SEPTIN9: variants seen among roughly 807,000 people sequenced by gnomAD.
SEPTIN9 encodes septin-9.
SEPTIN9 carries 13 observed loss-of-function variants against 56.6 expected under a neutral mutation model. That is an observed-to-expected ratio of 0.23 (90% CI 0.15 to 0.37). SEPTIN9 has a LOEUF of 0.37. SEPTIN9 is among the 10% of genes least tolerant of loss of function. The pLI is 1.00. For synonymous variants in SEPTIN9, 332 were observed against 334.1 expected (o/e 0.99, Z 0.07); for missense variants, 650 against 823.1 (o/e 0.79, Z 2.57).
chr17:77,440,785 G>A (rs1267731364), intron 3 of SEPTIN9, among the ~76,000 whole-genome samples: 1 of 152,240 alleles, frequency 6.6e-6, no homozygotes, highest in Admixed American at 6.5e-5. Context: ...AGATGAGAGA[G>A]CATTGCCTCC....
chr17:77,420,887 C>T (rs1291331801), intron 3 of SEPTIN9, among the ~76,000 whole-genome samples: 1 of 152,212 alleles, frequency 6.6e-6, no homozygotes, highest in African/African-American at 2.4e-5. Context: ...TTTCACTTAC[C>T]CCTTGCCCTG....
chr17:77,366,532 C>T (rs977954077), intron 2 of SEPTIN9, among the ~76,000 whole-genome samples: 1 of 152,160 alleles, frequency 6.6e-6, no homozygotes, highest in Admixed American at 6.5e-5. Context: ...GAGGCACAGC[C>T]AGGGTTCTGC....
chr17:77,377,765 C>T (rs1215703997), intron 2 of SEPTIN9, among the ~76,000 whole-genome samples: 10 of 152,188 alleles, frequency 6.6e-5, no homozygotes, highest in East Asian at 5.8e-4. Context: ...AAAAAGGCCC[C>T]GTTGCTTGGT....
At chr17:77,325,325 G>A (rs1430250475) in intron 2 of SEPTIN9, among the ~76,000 whole-genome samples, 2 of 152,216 alleles carry the variant, frequency 1.3e-5, no homozygotes, top group African/African-American at 4.8e-5. Context: ...TGCATGTGGT[G>A]TAAGGGCTGG....
intron 2 of SEPTIN9, among the ~76,000 whole-genome samples, chr17:77,394,803 C>T (rs917675427): frequency 6.6e-6 from 1 of 152,174 alleles, no homozygotes; most frequent in Admixed American, 6.5e-5. Flanking sequence ...GTCCCTTGTG[C>T]GGCACATTCC....
intron 1 of SEPTIN9, among the ~76,000 whole-genome samples, chr17:77,285,337 G>A (rs1039318667): frequency 5.3e-5 from 8 of 152,208 alleles, no homozygotes; most frequent in Non-Finnish European, 1.2e-4. Context: ...AGCCACAGAA[G>A]CGGGACTGAG....
chr17:77,484,904 ATGGTGATGATGG>A (rs1568112038), intron 4 of SEPTIN9, among the ~76,000 whole-genome samples: 1 of 54,190 alleles, frequency 1.8e-5, no homozygotes, highest in South Asian at 7.3e-4. Context: ...GGTGGTGGTG[ATGGTGATGATGG>A]TGGTGATTGT....
chr17:77,425,952 G>T lies in SEPTIN9; in HGVS notation c.721+23249G>T, dbSNP rs973273024. On this transcript the variant is annotated intron_variant, in intron 3 of 11. Transcript: ENST00000427177. This position sits in a 1 kb window ranked among gnomAD's most constrained non-coding sequence, Gnocchi z 4.2. Reference sequence around the variant, plus strand: ...CGCAGGGCCCTGTGCAGAGGGGAGTGTGTGCGGCTGTGAGTTCAGGCCATG... The same window carrying T: ...CGCAGGGCCCTGTGCAGAGGGGAGTTTGTGCGGCTGTGAGTTCAGGCCATG... Among the ~76,000 whole-genome samples, 13 of 152,302 alleles carry T rather than the reference G, an allele frequency of 8.5e-5. No homozygotes were observed. The highest frequency in any genetic ancestry group is 4.6e-4 in the Admixed American group (7 of 15,300).
chr17:77,444,968 G>C (rs955524906), intron 3 of SEPTIN9: 2 of 367,890 alleles, frequency 5.4e-6, no homozygotes, highest in African/African-American at 4.3e-5. Flanking sequence ...CATCCTGAAC[G>C]TTCTCCCAGG....
rs1021960478 is a variant in SEPTIN9, at chr17:77,369,976, T to C, written c.77-32083T>C. On this transcript the variant is annotated intron_variant, in intron 2 of 11. Transcript: ENST00000427177. The surrounding 1 kb of genome is among the most constrained non-coding windows in gnomAD (Gnocchi z 4.9). ...CATTTCCAGAAAGGCGTGCAGGGGT[T>C]TCCTATGGCTCTCTTCCCTGTCCCC... 9.9e-5 allele frequency among the ~76,000 whole-genome samples: 15 copies of C among 152,204 alleles called. No homozygotes were observed. The highest frequency in any genetic ancestry group is 3.6e-4 in the African/African-American group (15 of 41,448).
At position 77,435,350 on chromosome 17, in the gene SEPTIN9, A is replaced by G. The variant is rs969080776; in HGVS notation, c.721+32647A>G. On this transcript the variant is annotated intron_variant, in intron 3 of 11. Transcript: ENST00000427177. This position sits in a 1 kb window ranked among gnomAD's most constrained non-coding sequence, Gnocchi z 4.5. ...CGGCAGGTTAGTGGCAGAGCTGAGC[A>G]GTGTCTCCCATGCCCTGATTCTGTG... Among the ~76,000 whole-genome samples the G allele has an allele frequency of 3.8e-4, 58 of 152,282 alleles. No homozygotes were observed. Among genetic ancestry groups the G allele is most frequent in the African/African-American group, 1.3e-3 (56 of 41,578 alleles).
chr17:77,445,101 G>A lies in SEPTIN9; in HGVS notation c.722-37043G>A, dbSNP rs778149373. On this transcript the variant is annotated intron_variant, in intron 3 of 11. Coordinates refer to ENST00000427177, the MANE Select transcript of SEPTIN9 (RefSeq NM_001113491.2). This position sits in a 1 kb window ranked among gnomAD's most constrained non-coding sequence, Gnocchi z 4.7. Reference sequence around the variant, plus strand: ...TGTCCCACCATGCCTGCCTGGGGACGGCCTTCACTCGGGCTACTCAGGGTT... The same window carrying A: ...TGTCCCACCATGCCTGCCTGGGGACAGCCTTCACTCGGGCTACTCAGGGTT... 52 of 452,176 alleles carry A rather than the reference G, an allele frequency of 1.1e-4. No homozygotes were observed. Among genetic ancestry groups the A allele is most frequent in the South Asian group, 5.5e-4 (35 of 63,302 alleles). The allele number at this position is 452,176 out of a possible 1,614,324, so 28.0% of individuals were successfully genotyped here.
Position 77,453,436 on chromosome 17 carries a change from T to C in SEPTIN9, c.722-28708T>C, listed in dbSNP as rs924440998. 6.6e-5 allele frequency among the ~76,000 whole-genome samples: 10 copies of C among 151,898 alleles called. No homozygotes were observed. Among genetic ancestry groups the C allele is most frequent in the African/African-American group, 2.4e-4 (10 of 41,322 alleles). The stretch of plus-strand genomic sequence containing the variant: ...GCCTGGCCAACATGGTGAAACCCTG[T>C]CTCTACTAAAAATACTGGCTAATCC... On this transcript the variant is annotated intron_variant, in intron 3 of 11. Transcript: ENST00000427177. The surrounding 1 kb of genome is among the most constrained non-coding windows in gnomAD (Gnocchi z 4.4).
chr17:77,471,767 C>T (rs1200078615), intron 3 of SEPTIN9, among the ~76,000 whole-genome samples: 2 of 152,236 alleles, frequency 1.3e-5, no homozygotes, highest in Non-Finnish European at 2.9e-5. Context: ...CTCTGGTTGA[C>T]AGGCCACTGT....
chr17:77,446,236 C>T (rs1355416306), intron 3 of SEPTIN9: 1 of 167,184 alleles, frequency 6.0e-6, no homozygotes, highest in African/African-American at 2.4e-5. Context: ...GAATCCATTC[C>T]TGCCTCTTCC....
At chr17:77,347,474 T>A (rs1407922000) in intron 2 of SEPTIN9, among the ~76,000 whole-genome samples, 15 of 152,104 alleles carry the variant, frequency 9.9e-5, no homozygotes, top group Admixed American at 9.8e-4. Context: ...TTGAAGCTCC[T>A]TTGGTTAGGT....
intron 3 of SEPTIN9, among the ~76,000 whole-genome samples, chr17:77,444,047 G>C (rs185080522): frequency 1.2e-3 from 186 of 152,232 alleles, no homozygotes; most frequent in African/African-American, 3.8e-3. Context: ...ATATGATGGA[G>C]GATGTCAGGA....
intron 3 of SEPTIN9, among the ~76,000 whole-genome samples, chr17:77,457,552 G>C (rs1183909601): frequency 6.6e-6 from 1 of 152,200 alleles, no homozygotes; most frequent in African/African-American, 2.4e-5. Flanking sequence ...AGGAGATTGG[G>C]GTCCCAGTCC....
chr17:77,428,163 G>A (rs1041231780), intron 3 of SEPTIN9, among the ~76,000 whole-genome samples: 2 of 152,188 alleles, frequency 1.3e-5, no homozygotes, highest in Non-Finnish European at 2.9e-5. Context: ...GGATTTAGCC[G>A]GATCTCTGAC....
Sources: allele counts gnomAD v4.1 joint callset (sites outside exome capture counted in the v4.1 genomes callset), GRCh38; gene constraint gnomAD v4.1.1; non-coding constraint Gnocchi (gnomAD v3.1); transcripts MANE v1.5; gene names NCBI Gene and HGNC (gene_info 2026-07-23, HGNC 2026-07-21).